The following DLG2 variants were observed in gnomAD, a reference collection of about 807,000 sequenced individuals.
DLG2 encodes discs large MAGUK scaffold protein 2, also known as disks large homolog 2.
A neutral mutation model predicts 132.5 loss-of-function variants in DLG2; 45 were observed. The observed-to-expected ratio is 0.34, with a 90% confidence interval of 0.27 to 0.44. DLG2 has a LOEUF of 0.44. DLG2 is among the 20% of genes least tolerant of loss of function. The pLI is 1.00. For synonymous variants in DLG2, 424 were observed against 419.6 expected (o/e 1.01, Z -0.13); for missense variants, 1,045 against 1,196.9 (o/e 0.87, Z 1.87).
At chr11:84,477,317 A>T (rs1017303278) in intron 7 of DLG2, among the ~76,000 whole-genome samples, 8 of 151,974 alleles carry the variant, frequency 5.3e-5, no homozygotes, top group African/African-American at 1.9e-4. Context: ...CAACATGGAG[A>T]AGCCCTGTCT....
At chr11:84,640,366 G>T in intron 6 of DLG2, 1 of 344,118 alleles carries the variant, frequency 2.9e-6, no homozygotes, top group Non-Finnish European at 5.4e-6. Flanking sequence ...CTCAGGGTTT[G>T]GATAAGGCCA....
At chr11:84,793,632 G>A (rs548096792) in intron 6 of DLG2, among the ~76,000 whole-genome samples, 3 of 152,104 alleles carry the variant, frequency 2.0e-5, no homozygotes, top group African/African-American at 7.2e-5. Flanking sequence ...CTTGCTGTAC[G>A]GACCCCTTTA....
At chr11:85,546,618 G>A (rs899135639) in intron 3 of DLG2, among the ~76,000 whole-genome samples, 1 of 152,040 alleles carries the variant, frequency 6.6e-6, no homozygotes, top group Non-Finnish European at 1.5e-5. Flanking sequence ...ATTATTGTGT[G>A]GGAGTCTAAA....
intron 11 of DLG2, among the ~76,000 whole-genome samples, chr11:84,016,883 T>C (rs2095218504): frequency 6.6e-6 from 1 of 152,126 alleles, no homozygotes; most frequent in Non-Finnish European, 1.5e-5. Flanking sequence ...TTAATTATTA[T>C]ACTATGTTGC....
chr11:84,935,854 T>C (rs1591531551), intron 6 of DLG2, among the ~76,000 whole-genome samples: 1 of 152,224 alleles, frequency 6.6e-6, no homozygotes. Flanking sequence ...ATATCCTGTG[T>C]CAGCTTAAGT....
At chr11:83,626,551 A>G (rs907600111) in intron 19 of DLG2, among the ~76,000 whole-genome samples, 8 of 152,220 alleles carry the variant, frequency 5.3e-5, no homozygotes, top group Admixed American at 6.5e-5. Context: ...GTCATATTAC[A>G]TAGCCTTTGA....
intron 18 of DLG2, among the ~76,000 whole-genome samples, chr11:83,723,926 A>T (rs1431068746): frequency 6.6e-6 from 1 of 152,228 alleles, no homozygotes; most frequent in African/African-American, 2.4e-5. Flanking sequence ...TACTACTACC[A>T]TTATCATTTT....
chr11:83,949,451 C>T (rs1329987560), intron 14 of DLG2, among the ~76,000 whole-genome samples: 1 of 151,962 alleles, frequency 6.6e-6, no homozygotes, highest in Non-Finnish European at 1.5e-5. Flanking sequence ...AAGGAGGAAG[C>T]AATTTAACAT....
chr11:84,568,080 A>G (rs1167492900), intron 6 of DLG2, among the ~76,000 whole-genome samples: 1 of 152,160 alleles, frequency 6.6e-6, no homozygotes, highest in African/African-American at 2.4e-5. Context: ...ACCTCACAGG[A>G]AACACTAGAG....
intron 14 of DLG2, among the ~76,000 whole-genome samples, chr11:83,958,887 C>T (rs901283685): frequency 1.2e-4 from 18 of 152,058 alleles, no homozygotes; most frequent in African/African-American, 4.1e-4. Context: ...AAATACTGGA[C>T]CAGGGAAAGC....
intron 6 of DLG2, among the ~76,000 whole-genome samples, chr11:84,869,630 C>T (rs2085155309): frequency 6.6e-6 from 1 of 152,096 alleles, no homozygotes; most frequent in African/African-American, 2.4e-5. Context: ...ATATTAAAGG[C>T]TCCTGACAAA....
intron 4 of DLG2, among the ~76,000 whole-genome samples, chr11:85,191,634 T>G (rs915969173): frequency 6.6e-6 from 1 of 152,204 alleles, no homozygotes; most frequent in Non-Finnish European, 1.5e-5. Context: ...AGCAAATTGC[T>G]TCAAAGAGGC....
intron 10 of DLG2, among the ~76,000 whole-genome samples, chr11:84,084,100 A>G (rs1345832376): frequency 6.6e-6 from 1 of 151,640 alleles, no homozygotes; most frequent in Non-Finnish European, 1.5e-5. Flanking sequence ...TTTATGAATA[A>G]CCCTAGGCTC....
chr11:84,848,577 C>T (rs1269972063), intron 6 of DLG2, among the ~76,000 whole-genome samples: 1 of 152,082 alleles, frequency 6.6e-6, no homozygotes, highest in Non-Finnish European at 1.5e-5. Flanking sequence ...TGTATATTAG[C>T]GTACACCTAT....
chr11:84,363,163 C>T (rs2098660578), intron 7 of DLG2, among the ~76,000 whole-genome samples: 1 of 151,820 alleles, frequency 6.6e-6, no homozygotes, highest in South Asian at 2.1e-4. Context: ...ACATCCTCTC[C>T]AGCACCTGTT....
At chr11:84,919,263 C>G (rs1282307819) in intron 6 of DLG2, among the ~76,000 whole-genome samples, 1 of 152,116 alleles carries the variant, frequency 6.6e-6, no homozygotes, top group Non-Finnish European at 1.5e-5. Context: ...CTGCTTATAA[C>G]AGCTAAGAGC....
At chr11:85,560,790 G>C (rs2077192940) in intron 3 of DLG2, among the ~76,000 whole-genome samples, 1 of 151,850 alleles carries the variant, frequency 6.6e-6, no homozygotes, top group Admixed American at 6.6e-5. Flanking sequence ...CCAGCACTTT[G>C]GGAGGCTGAG....
At chr11:83,509,142 A>G (rs761580490) in intron 21 of DLG2, among the ~76,000 whole-genome samples, 4 of 152,242 alleles carry the variant, frequency 2.6e-5, no homozygotes, top group Non-Finnish European at 5.9e-5. Context: ...CAAGAGTCCA[A>G]TCCTGGTGTC....
chr11:84,842,728 T>A (rs1318721645), intron 6 of DLG2, among the ~76,000 whole-genome samples: 1 of 151,822 alleles, frequency 6.6e-6, no homozygotes, highest in Non-Finnish European at 1.5e-5. Context: ...GGAAGAGAAA[T>A]ATCTAGTATA....
Sources: gnomAD v4.1 joint callset for allele counts (sites outside exome capture counted in the v4.1 genomes callset) on GRCh38, gnomAD v4.1.1 for gene constraint, MANE v1.5 for transcripts, NCBI Gene and HGNC (gene_info 2026-07-23, HGNC 2026-07-21) for gene names.